The following MYO1B variants were observed in gnomAD, a reference collection of about 807,000 sequenced individuals.
MYO1B encodes myosin IB, also known as unconventional myosin-Ib.
MYO1B carries 72 observed loss-of-function variants against 159.7 expected under a neutral mutation model. The ratio of observed to expected loss-of-function variants is 0.45; its 90% confidence interval spans 0.37 to 0.55. The LOEUF is 0.55. MYO1B is among the 20% of genes least tolerant of loss of function. The pLI, the probability that MYO1B is intolerant of heterozygous loss-of-function variation, is 0.00. For missense variants in MYO1B, 1,062 were observed against 1,364.8 expected (o/e 0.78, Z 3.50); for synonymous variants, 468 against 473.8 (o/e 0.99, Z 0.16).
Position 191,414,613 on chromosome 2 carries a change from A to AC in MYO1B, c.3105dup (p.Lys1036GlnfsTer9). 1.9e-6 allele frequency: 3 copies of AC among 1,613,802 alleles called. No individual in the cohort carries two copies. Among genetic ancestry groups the AC allele is most frequent in the Non-Finnish European group, 2.5e-6 (3 of 1,179,844 alleles). ...GTCAGAGGTTCCATTGGTGGATGTGACCAAGGTATCAATGAGCTCACAAAA... is the reference window on the plus strand; with the variant it reads ...GTCAGAGGTTCCATTGGTGGATGTGACCCAAGGTATCAATGAGCTCACAAAA... On this transcript the variant is annotated frameshift_variant, in exon 29 of 31. Coordinates refer to ENST00000392318, the MANE Select transcript of MYO1B (RefSeq NM_001130158.3). LOFTEE classifies it high-confidence loss of function.
intron 22 of MYO1B, 33 bp downstream of exon 22, chr2:191,400,501 C>T (rs779661009): frequency 6.2e-7 from 1 of 1,608,384 alleles, no homozygotes; most frequent in Non-Finnish European, 8.5e-7. Flanking sequence ...GGCGGTGGGT[C>T]AGCAGTAACG....
chr2:191,396,595 T>TGCAGG, intron 21 of MYO1B, 98 bp downstream of exon 21: 1 of 1,098,432 alleles, frequency 9.1e-7, no homozygotes, highest in Non-Finnish European at 1.3e-6. Context: ...GGGGCTCCTC[T>TGCAGG]GTCTCCTGCC....
At chr2:191,415,899 C>T (rs1697534027) in intron 29 of MYO1B, among the ~76,000 whole-genome samples, 1 of 152,172 alleles carries the variant, frequency 6.6e-6, no homozygotes, top group African/African-American at 2.4e-5. Flanking sequence ...CTGCTGCATC[C>T]ACCGACTTTA....
intron 1 of MYO1B, among the ~76,000 whole-genome samples, chr2:191,272,570 CTA>C (rs1021326997): frequency 6.6e-6 from 1 of 152,198 alleles, no homozygotes; most frequent in Non-Finnish European, 1.5e-5. Flanking sequence ...GGTTACATCT[CTA>C]TGTCTCCCAC....
In MYO1B at chr2:191,399,298, AGGGAGAGGGAGAG is replaced by A. The variant is rs1696453141; in HGVS notation, c.2296-1081_2296-1069del. ...GAGGGAGAGGGAGAGGGAGAGGGAG[AGGGAGAGGGAGAG>A]GGAGGAAGATGATTTCATGACATAT... On this transcript the variant is annotated intron_variant, in intron 21 of 30. Transcript: ENST00000392318. Among the ~76,000 whole-genome samples the A allele has an allele frequency of 2.1e-5, 3 of 140,188 alleles. No individual in the cohort carries two copies. In the South Asian group the frequency reaches 6.5e-4, roughly 30 times the overall value. 92.0% of individuals were successfully genotyped at this position (140,188 alleles called of 152,430 possible).
intron 30 of MYO1B, among the ~76,000 whole-genome samples, chr2:191,417,332 T>C (rs1697639872): frequency 6.6e-6 from 1 of 152,216 alleles, no homozygotes; most frequent in Non-Finnish European, 1.5e-5. Flanking sequence ...AAATAACTTT[T>C]CTTGTTAATG....
intron 9 of MYO1B, 147 bp downstream of exon 9, chr2:191,362,518 T>C: frequency 1.9e-6 from 1 of 531,198 alleles, no homozygotes; most frequent in Non-Finnish European, 3.2e-6. Context: ...TTTGTTACTT[T>C]GATTTTTTTA....
In MYO1B at chr2:191,398,658, C is replaced by G. The variant is rs1387279535; in HGVS notation, c.2296-1724C>G. On this transcript the variant is annotated intron_variant, in intron 21 of 30. Coordinates refer to ENST00000392318, the MANE Select transcript of MYO1B (RefSeq NM_001130158.3). ...CGGCGGGGCAGAGGCGCTCCCCACT[C>G]AGATGATGGGCGGGTCAGGCAGAGA... Among the ~76,000 whole-genome samples, 491 of 151,532 alleles carry G rather than the reference C, an allele frequency of 3.2e-3. 2 individuals carry two copies. Among genetic ancestry groups the G allele is most frequent in the Non-Finnish European group, 5.8e-3 (391 of 67,856 alleles).
At position 191,346,260 on chromosome 2, in the gene MYO1B, G is replaced by A; in HGVS notation, c.476G>A (p.Arg159Lys). 6.4e-7 allele frequency: 1 copy of A among 1,572,282 alleles called. No individual in the cohort carries two copies. Among genetic ancestry groups the A allele is most frequent in the Non-Finnish European group, 8.6e-7 (1 of 1,157,886 alleles). Residue 159 changes from arginine to lysine, a missense_variant, in exon 6 of 31, where the codon AGG becomes AAG. By Grantham distance (26) the Arg-to-Lys change is conservative. Coordinates refer to ENST00000392318, the MANE Select transcript of MYO1B (RefSeq NM_001130158.3). The stretch of plus-strand genomic sequence containing the variant: ...GCTTTTGGAAATGCCAAAACTGTAA[G>A]GAATGACAACTCCTCTAGATTTGTA... ...LEAFGNAKTV[R>K]NDNSSRFGKY...
intron 2 of MYO1B, among the ~76,000 whole-genome samples, chr2:191,279,995 G>A (rs778968436): frequency 6.6e-6 from 1 of 152,078 alleles, no homozygotes; most frequent in Non-Finnish European, 1.5e-5. Context: ...GCTCTAAATC[G>A]GGGGGTTCAG....
intron 3 of MYO1B, among the ~76,000 whole-genome samples, chr2:191,312,365 C>T (rs1345271930): frequency 6.6e-6 from 1 of 152,178 alleles, no homozygotes; most frequent in Non-Finnish European, 1.5e-5. Flanking sequence ...AAATCCTGCT[C>T]ATCTTTTGCG....
At chr2:191,327,389 T>C (rs1386507921) in intron 3 of MYO1B, among the ~76,000 whole-genome samples, 1 of 152,196 alleles carries the variant, frequency 6.6e-6, no homozygotes, top group Non-Finnish European at 1.5e-5. Flanking sequence ...CACACAAAGA[T>C]TTTCTGACAT....
rs1695685935 is a variant in MYO1B at position 191,390,550 on chromosome 2, G to A, written c.1982+58G>A. 2.6e-6 allele frequency: 4 copies of A among 1,529,048 alleles called. No individual in the cohort carries two copies. The East Asian group carries it at 9.2e-5, about 35-fold the overall frequency. 94.7% of individuals were successfully genotyped at this position (1,529,048 alleles called of 1,614,324 possible). A position where few individuals can be genotyped will look rare whatever the true frequency, so the allele number is the denominator to read the frequency against. ...ATGTTTTAAGTGGTCAAATAATACG[G>A]TGTTTTTTCACATGCTGTTAGATAA... On this transcript the variant is annotated intron_variant, in intron 18 of 30. Transcript: ENST00000392318.
chr2:191,335,091 A>G (rs62181188), intron 4 of MYO1B, among the ~76,000 whole-genome samples: 11,523 of 152,194 alleles, frequency 0.076, 693 homozygotes, highest in Admixed American at 0.19. Flanking sequence ...CCTGTGATGA[A>G]CTATCGTCTT....
At chr2:191,381,953 A>T (rs1233782984) in intron 14 of MYO1B, among the ~76,000 whole-genome samples, 1 of 152,250 alleles carries the variant, frequency 6.6e-6, no homozygotes, top group Non-Finnish European at 1.5e-5. Flanking sequence ...ATTCAAATTT[A>T]TAGTAAAAAT....
At position 191,351,062 on chromosome 2, in the gene MYO1B, T is replaced by G. The variant is rs1324699102; in HGVS notation, c.562+837T>G. On this transcript the variant is annotated intron_variant, in intron 7 of 30. Coordinates refer to ENST00000392318, the MANE Select transcript of MYO1B (RefSeq NM_001130158.3). ...GGCTTTGTGCACCTCAGCCACAGTC[T>G]GGTTATCCTCTGAGTCCTCTGGGTT... Among the ~76,000 whole-genome samples the G allele has an allele frequency of 2.0e-5, 3 of 152,160 alleles. No individual in the cohort carries two copies. In the East Asian group the frequency reaches 5.8e-4, roughly 29 times the overall value.
At chr2:191,310,526 G>T (rs982579503) in intron 3 of MYO1B, among the ~76,000 whole-genome samples, 1 of 152,188 alleles carries the variant, frequency 6.6e-6, no homozygotes, top group Non-Finnish European at 1.5e-5. Context: ...CTTGAAGTAG[G>T]TGGCTTTTGT....
chr2:191,323,226 T>A (rs756966451), intron 3 of MYO1B, among the ~76,000 whole-genome samples: 1 of 151,942 alleles, frequency 6.6e-6, no homozygotes, highest in Non-Finnish European at 1.5e-5. Flanking sequence ...TTTGGCTGGC[T>A]TTTTTTTAAC....
intron 3 of MYO1B, among the ~76,000 whole-genome samples, chr2:191,326,923 G>A (rs2125911029): frequency 6.6e-6 from 1 of 152,136 alleles, no homozygotes; most frequent in African/African-American, 2.4e-5. Context: ...AAAAAGGTCT[G>A]TATTCAACAA....
Sources: gnomAD v4.1 joint callset for allele counts (sites outside exome capture counted in the v4.1 genomes callset) on GRCh38, gnomAD v4.1.1 for gene constraint, MANE v1.5 for transcripts, NCBI Gene and HGNC (gene_info 2026-07-23, HGNC 2026-07-21) for gene names.